KCNK18: variants seen among roughly 807,000 people sequenced by gnomAD.
The protein encoded by KCNK18 is potassium two pore domain channel subfamily K member 18, also known as potassium channel subfamily K member 18.
A neutral mutation model predicts 11.8 loss-of-function variants in KCNK18; 8 were observed. The observed-to-expected ratio is 0.68, with a 90% CI of 0.40 to 1.22. KCNK18 has a LOEUF of 1.22. Among genes scored for constraint, KCNK18 ranks in the 50% most tolerant of loss-of-function variants. KCNK18 has a pLI of 0.01. For missense variants in KCNK18, 442 were observed against 465.4 expected (o/e 0.95, Z 0.46); for synonymous variants, 208 against 185.8 (o/e 1.12, Z -0.97).
chr10:117,200,120 C>T (rs1854995619), intron 1 of KCNK18, among the ~76,000 whole-genome samples: 1 of 152,224 alleles, frequency 6.6e-6, no homozygotes, highest in Non-Finnish European at 1.5e-5. Flanking sequence ...CTCTGTCACT[C>T]AGGCTGGGAT....
chr10:117,208,485 T>C (rs1855104072), intron 2 of KCNK18, among the ~76,000 whole-genome samples: 1 of 152,166 alleles, frequency 6.6e-6, no homozygotes, highest in Non-Finnish European at 1.5e-5. Context: ...AGTAATATTA[T>C]CATAAATAGC....
Position 117,209,820 on chromosome 10 carries a change from G to T in KCNK18, c.676G>T (p.Glu226Ter). 1 of 1,614,158 alleles carries T rather than the reference G, an allele frequency of 6.2e-7. No homozygotes were observed. Among genetic ancestry groups the T allele is most frequent in the Non-Finnish European group, 8.5e-7 (1 of 1,180,034 alleles). ...TCCTTCACGCCCAAGCTGCAGCATG[G>T]AGCTGTTTGAGAGATCTCATGCGCT... is the stretch of plus-strand genomic sequence containing the variant. ...TCPSRPSCSM[E>*]LFERSHALEK... Residue 226 changes from glutamate to a stop codon, truncating the protein, a stop_gained, in exon 3 of 3, where the codon GAG becomes TAG. Coordinates refer to ENST00000334549, the MANE Select transcript of KCNK18 (RefSeq NM_181840.1). LOFTEE classifies it low-confidence loss of function (END_TRUNC).
chr10:117,201,019 C>A, intron 1 of KCNK18, 140 bp from the exon 2 acceptor site: 2 of 970,166 alleles, frequency 2.1e-6, no homozygotes, highest in Non-Finnish European at 3.3e-6. Context: ...AGGACTCCGA[C>A]CACCGAGCTT....
Position 117,201,216 on chromosome 10 carries a change from G to A in KCNK18, c.281G>A (p.Trp94Ter), listed in dbSNP as rs749541800. 1 of 1,614,154 alleles carries A rather than the reference G, an allele frequency of 6.2e-7. No homozygotes were observed. Among genetic ancestry groups the A allele is most frequent in the Admixed American group, 1.7e-5 (1 of 60,022 alleles). ...CATCTGCAGAAGGTGAAGCCTCAGT[G>A]GTTTAACAGGACCACACACTGGTCC... ...QGHLQKVKPQ[W>*]FNRTTHWSFL... The change falls in exon 2 of 3, where the codon TGG becomes TAG. Residue 94 changes from tryptophan to a stop codon, truncating the protein, a stop_gained. Transcript: ENST00000334549. LOFTEE classifies it high-confidence loss of function.
At chr10:117,201,045 C>G (rs755349981) in intron 1 of KCNK18, 114 bp from the exon 2 acceptor site, 1 of 1,319,344 alleles carries the variant, frequency 7.6e-7, no homozygotes, top group Non-Finnish European at 1.1e-6. Context: ...TTGATACTGA[C>G]CACAAGGCAA....
At chr10:117,201,017 G>A (rs1030381872) in intron 1 of KCNK18, 142 bp from the exon 2 acceptor site, 5 of 961,822 alleles carry the variant, frequency 5.2e-6, no homozygotes, top group Admixed American at 1.7e-5. Flanking sequence ...GGAGGACTCC[G>A]ACCACCGAGC....
At chr10:117,199,386 A>G (rs567038754) in intron 1 of KCNK18, among the ~76,000 whole-genome samples, 6 of 152,198 alleles carry the variant, frequency 3.9e-5, no homozygotes, top group Non-Finnish European at 8.8e-5. Flanking sequence ...GGGAACACAG[A>G]GCTGGTCCCA....
intron 2 of KCNK18, among the ~76,000 whole-genome samples, chr10:117,205,857 C>T (rs1855068936): frequency 6.6e-6 from 1 of 152,164 alleles, no homozygotes; most frequent in East Asian, 1.9e-4. Context: ...CGAGGCCAGC[C>T]TGGCCAACAT....
chr10:117,197,813 T>C (rs1720676545), intron 1 of KCNK18, 102 bp downstream of exon 1: 1 of 972,406 alleles, frequency 1.0e-6, no homozygotes, highest in Admixed American at 2.0e-5. Context: ...GGGAGCTGCC[T>C]GCCTGGATCC....
At chr10:117,208,552 T>C (rs1390416169) in intron 2 of KCNK18, among the ~76,000 whole-genome samples, 1 of 152,176 alleles carries the variant, frequency 6.6e-6, no homozygotes, top group Admixed American at 6.5e-5. Context: ...GGCTAATGGC[T>C]TCACTGTCAT....
At chr10:117,201,799 T>C (rs1000675361) in intron 2 of KCNK18, among the ~76,000 whole-genome samples, 3 of 152,244 alleles carry the variant, frequency 2.0e-5, no homozygotes, top group African/African-American at 7.2e-5. Flanking sequence ...TGGTAGGGGA[T>C]GCTGCAGGAG....
rs768973013 is a variant in KCNK18 at position 117,201,226 on chromosome 10, G to T, written c.291G>T (p.Arg97Ser). Residue 97 changes from arginine (R) to serine (S), a missense_variant, in exon 2 of 3, where the codon AGG becomes AGT. Transcript: ENST00000334549. ...AGGTGAAGCCTCAGTGGTTTAACAG[G>T]ACCACACACTGGTCCTTCCTGAGCT... Reference protein sequence around the residue: ...LQKVKPQWFNRTTHWSFLSSL... With the variant: ...LQKVKPQWFNSTTHWSFLSSL... 5 of 1,614,126 alleles carry T rather than the reference G, an allele frequency of 3.1e-6. No individual in the cohort carries two copies. In the East Asian group the frequency reaches 1.1e-4, roughly 36 times the overall value.
At chr10:117,203,872 G>A (rs966901023) in intron 2 of KCNK18, among the ~76,000 whole-genome samples, 4 of 152,142 alleles carry the variant, frequency 2.6e-5, no homozygotes, top group Non-Finnish European at 4.4e-5. Context: ...GTAGAAATGG[G>A]GTTTCACCAT....
chr10:117,210,096 T>C lies in KCNK18; in HGVS notation c.952T>C (p.Phe318Leu), dbSNP rs1292919918. ...TTTCGAGAATGCCTTCTATTTCTGC[T>C]TTGTCACACTCACCACCATTGGGTT... ...LDFENAFYFC[F>L]VTLTTIGFGD... Residue 318 changes from phenylalanine (F) to leucine (L), a missense_variant, in exon 3 of 3, where the codon TTT (phenylalanine) becomes CTT (leucine). Physicochemically the swap from Phe to Leu is conservative, Grantham distance 22. Coordinates refer to ENST00000334549, the MANE Select transcript of KCNK18 (RefSeq NM_181840.1). 6.2e-7 allele frequency: 1 copy of C among 1,614,078 alleles called. No individual in the cohort carries two copies. The highest frequency in any genetic ancestry group is 8.5e-7 in the Non-Finnish European group (1 of 1,180,044).
At chr10:117,204,270 C>A (rs1410641534) in intron 2 of KCNK18, among the ~76,000 whole-genome samples, 804 of 116,240 alleles carry the variant, frequency 6.9e-3, no homozygotes, top group Middle Eastern at 8.6e-3. Context: ...GGCAGAGTCT[C>A]AAAAAAAAAA....
At chr10:117,208,269 T>TCCC (rs1244352791) in intron 2 of KCNK18, among the ~76,000 whole-genome samples, 1 of 151,990 alleles carries the variant, frequency 6.6e-6, no homozygotes, top group Non-Finnish European at 1.5e-5. Context: ...TAACAATACC[T>TCCC]CCCTATGAAG....
In KCNK18 at chr10:117,202,886, C is replaced by CTTTTTT. The variant is rs201850637; in HGVS notation, c.352+1616_352+1621dup. ...GTGGTTTCTCCCATTTGCCTGAATG[C>CTTTTTT]TTTTTTTTTTTTTTTTTTTTTTGAG... On this transcript the variant is annotated intron_variant, in intron 2 of 2. Transcript: ENST00000334549. 8.7e-3 allele frequency among the ~76,000 whole-genome samples: 1,070 copies of CTTTTTT among 122,896 alleles called. 46 individuals carry two copies. The highest frequency in any genetic ancestry group is 0.032 in the African/African-American group (935 of 29,204). The allele number at this position is 122,896 out of a possible 152,430, so 80.6% of individuals were successfully genotyped here. A position where few individuals can be genotyped will look rare whatever the true frequency, so the allele number is the denominator to read the frequency against.
chr10:117,204,123 G>A (rs769027250), intron 2 of KCNK18, among the ~76,000 whole-genome samples: 3 of 151,998 alleles, frequency 2.0e-5, no homozygotes, highest in South Asian at 2.1e-4. Flanking sequence ...TCAGCTGGGC[G>A]TGGTGACGTG....
At chr10:117,200,951 C>T (rs1855006769) in intron 1 of KCNK18, among the ~76,000 whole-genome samples, 1 of 152,188 alleles carries the variant, frequency 6.6e-6, no homozygotes, top group South Asian at 2.1e-4. Context: ...GGCTAAGTGG[C>T]CTCCTTATCT....
Sources: gnomAD v4.1 joint callset for allele counts (sites outside exome capture counted in the v4.1 genomes callset) on GRCh38, gnomAD v4.1.1 for gene constraint, MANE v1.5 for transcripts, NCBI Gene and HGNC (gene_info 2026-07-23, HGNC 2026-07-21) for gene names.